Variants in CTNND2 observed in about 807,000 individuals in gnomAD.
CTNND2 encodes catenin delta-2.
Under a neutral mutation model 144.4 loss-of-function variants are expected in CTNND2, and 22 were observed. The observed-to-expected ratio is 0.15, with a 90% CI of 0.11 to 0.22. CTNND2 has a LOEUF of 0.22. Among genes scored for constraint, CTNND2 ranks in the 10% least tolerant of loss-of-function variants. The probability of loss-of-function intolerance (pLI) is 1.00; values close to 1 mark genes in which losing one functional copy is unlikely to be tolerated. For synonymous variants in CTNND2, 751 were observed against 695.6 expected (o/e 1.08, Z -1.25); for missense variants, 1,353 against 1,618.8 (o/e 0.84, Z 2.82).
intron 10 of CTNND2, among the ~76,000 whole-genome samples, chr5:11,208,195 T>C (rs184611743): frequency 1.1e-3 from 175 of 152,320 alleles, no homozygotes; most frequent in African/African-American, 4.0e-3. Context: ...ATGTATTTAC[T>C]GAAATACATA....
At chr5:11,280,595 C>G (rs1027643541) in intron 9 of CTNND2, among the ~76,000 whole-genome samples, 1 of 152,184 alleles carries the variant, frequency 6.6e-6, no homozygotes, top group Admixed American at 6.5e-5. Flanking sequence ...TCTTAATCGC[C>G]TCTTCAAAGG....
At chr5:11,048,906 G>A (rs970799658) in intron 16 of CTNND2, among the ~76,000 whole-genome samples, 23 of 152,214 alleles carry the variant, frequency 1.5e-4, no homozygotes, top group African/African-American at 5.3e-4. Flanking sequence ...GGACCATGCT[G>A]TGTTGTGAGG....
At chr5:11,264,641 A>T (rs1407635691) in intron 9 of CTNND2, among the ~76,000 whole-genome samples, 2 of 152,226 alleles carry the variant, frequency 1.3e-5, no homozygotes, top group Non-Finnish European at 2.9e-5. Context: ...TTAAAAGTGT[A>T]TTCATTGGCT....
intron 3 of CTNND2, among the ~76,000 whole-genome samples, chr5:11,419,999 C>A (rs1042674841): frequency 6.6e-6 from 1 of 151,974 alleles, no homozygotes; most frequent in African/African-American, 2.4e-5. Context: ...AAAACATAAG[C>A]CAGAGAAACT....
chr5:11,817,987 T>TG (rs1410423161), intron 1 of CTNND2, among the ~76,000 whole-genome samples: 5 of 51,600 alleles, frequency 9.7e-5, no homozygotes, highest in Admixed American at 2.6e-4. Flanking sequence ...AGGTGTTTTT[T>TG]TTTTTTTTTT....
intron 14 of CTNND2, 36 bp downstream of exon 14, chr5:11,110,822 G>A: frequency 6.3e-7 from 1 of 1,577,270 alleles, no homozygotes; most frequent in Non-Finnish European, 8.7e-7. Context: ...ATTAGGAAGG[G>A]GATAATTGCA....
chr5:11,848,718 A>C (rs985067830), intron 1 of CTNND2, among the ~76,000 whole-genome samples: 27 of 152,206 alleles, frequency 1.8e-4, no homozygotes, highest in African/African-American at 6.0e-4. Context: ...GCTTCTATAC[A>C]CATAGCTCTG....
intron 3 of CTNND2, among the ~76,000 whole-genome samples, chr5:11,467,847 C>T (rs980351437): frequency 6.6e-6 from 1 of 152,180 alleles, no homozygotes; most frequent in Non-Finnish European, 1.5e-5. Flanking sequence ...AAATGTCTTT[C>T]ACTAACACAT....
chr5:11,420,050 C>T (rs1197701204), intron 3 of CTNND2, among the ~76,000 whole-genome samples: 7 of 152,092 alleles, frequency 4.6e-5, no homozygotes, highest in South Asian at 2.1e-4. Context: ...TCTGGCCAGG[C>T]GTGGTGGCTC....
intron 9 of CTNND2, among the ~76,000 whole-genome samples, chr5:11,340,844 T>A (rs1033397883): frequency 1.3e-5 from 2 of 152,212 alleles, no homozygotes; most frequent in Non-Finnish European, 2.9e-5. Context: ...AAAATAGGTA[T>A]TATAAAAAGT....
intron 18 of CTNND2, among the ~76,000 whole-genome samples, chr5:10,996,411 G>A (rs1471394529): frequency 1.3e-5 from 2 of 150,272 alleles, no homozygotes; most frequent in Non-Finnish European, 3.0e-5. Context: ...GCAATGAGGA[G>A]GGGGCAAGAA....
At chr5:11,173,035 C>T (rs1760091813) in intron 11 of CTNND2, among the ~76,000 whole-genome samples, 1 of 152,208 alleles carries the variant, frequency 6.6e-6, no homozygotes, top group Non-Finnish European at 1.5e-5. Flanking sequence ...TGATCAAATT[C>T]AAGGCATTTA....
intron 14 of CTNND2, among the ~76,000 whole-genome samples, chr5:11,105,137 G>A (rs1174315266): frequency 6.6e-6 from 1 of 152,230 alleles, no homozygotes; most frequent in Non-Finnish European, 1.5e-5. Context: ...GGGCATCACT[G>A]ATGCTCATCT....
At chr5:11,589,282 A>AAAACACACACAC (rs372165317) in intron 2 of CTNND2, among the ~76,000 whole-genome samples, 1 of 146,620 alleles carries the variant, frequency 6.8e-6, no homozygotes, top group African/African-American at 2.5e-5. Flanking sequence ...TTAACATTAA[A>AAAACACACACAC]ACACACACAC....
At chr5:11,640,936 A>G (rs1254057075) in intron 2 of CTNND2, among the ~76,000 whole-genome samples, 2 of 152,144 alleles carry the variant, frequency 1.3e-5, no homozygotes, top group African/African-American at 2.4e-5. Flanking sequence ...AACATACTCT[A>G]AAGTATTTGA....
rs5865937 is a variant in CTNND2, at chr5:11,395,882, C to CT, written c.612+1148dup. ...TGGTGCCTGCACCAGGCTGTTAACCCTCTTTGCCTCTCACCTCTGCATTCA... is the reference window on the plus strand; with the variant it reads ...TGGTGCCTGCACCAGGCTGTTAACCCTTCTTTGCCTCTCACCTCTGCATTCA... On this transcript the variant is annotated intron_variant, in intron 6 of 21. Coordinates refer to ENST00000304623, the MANE Select transcript of CTNND2 (RefSeq NM_001332.4). Among the ~76,000 whole-genome samples, 1,378 of 152,366 alleles carry CT rather than the reference C, an allele frequency of 9.0e-3. 19 individuals are homozygous for CT. The highest frequency in any genetic ancestry group is 0.03 in the African/African-American group (1,259 of 41,586).
intron 9 of CTNND2, among the ~76,000 whole-genome samples, chr5:11,305,575 G>C (rs926505385): frequency 6.6e-6 from 1 of 152,056 alleles, no homozygotes; most frequent in East Asian, 1.9e-4. Flanking sequence ...CCTCTCACAC[G>C]TCCTCCTTAT....
chr5:11,332,795 C>T (rs901201496), intron 9 of CTNND2, among the ~76,000 whole-genome samples: 5 of 152,142 alleles, frequency 3.3e-5, no homozygotes, highest in African/African-American at 7.2e-5. Flanking sequence ...ATAATTCCCA[C>T]GTGTCATGGG....
At chr5:11,359,165 C>T (rs1240814087) in intron 8 of CTNND2, among the ~76,000 whole-genome samples, 1 of 152,188 alleles carries the variant, frequency 6.6e-6, no homozygotes, top group Non-Finnish European at 1.5e-5. Context: ...CCCACACATT[C>T]CTTGTTTCAC....
Sources: gnomAD v4.1 joint callset for allele counts (sites outside exome capture counted in the v4.1 genomes callset) on GRCh38, gnomAD v4.1.1 for gene constraint, MANE v1.5 for transcripts, NCBI Gene and HGNC (gene_info 2026-07-23, HGNC 2026-07-21) for gene names.